TEAD1: variants seen among roughly 807,000 people sequenced by gnomAD.
The protein encoded by TEAD1 is transcriptional enhancer factor TEF-1.
TEAD1 carries 9 observed loss-of-function variants against 54.9 expected under a neutral mutation model. The observed-to-expected ratio is 0.16, with a 90% CI of 0.10 to 0.29. The LOEUF (loss-of-function observed/expected upper bound fraction) is 0.29. Among genes scored for constraint, TEAD1 ranks in the 10% least tolerant of loss-of-function variants. The probability of loss-of-function intolerance (pLI) is 1.00; values close to 1 mark genes in which losing one functional copy is unlikely to be tolerated. For synonymous variants in TEAD1, 200 were observed against 187.8 expected (o/e 1.07, Z -0.53); for missense variants, 387 against 535.9 (o/e 0.72, Z 2.74).
chr11:12,837,781 C>CTTCTTCCTTCTTCTTCCTTCT (rs1946934795), intron 3 of TEAD1, among the ~76,000 whole-genome samples: 1 of 145,192 alleles, frequency 6.9e-6, no homozygotes, highest in Non-Finnish European at 1.5e-5. Context: ...TTCTCTTCCT[C>CTTCTTCCTTCTTCTTCCTTCT]TTCTTCCTTC....
chr11:12,721,053 C>G (rs1944185139), intron 2 of TEAD1, among the ~76,000 whole-genome samples: 1 of 152,212 alleles, frequency 6.6e-6, no homozygotes, highest in Non-Finnish European at 1.5e-5. Context: ...TCATGTTTGA[C>G]TACCCTGTGT....
At chr11:12,730,686 A>G (rs993171579) in intron 2 of TEAD1, among the ~76,000 whole-genome samples, 53 of 140,496 alleles carry the variant, frequency 3.8e-4, no homozygotes, top group African/African-American at 1.2e-3. Flanking sequence ...GTGCTTTTCT[A>G]CATAGCTCTT....
At chr11:12,904,040 T>C (rs1417393063) in intron 10 of TEAD1, among the ~76,000 whole-genome samples, 1 of 152,204 alleles carries the variant, frequency 6.6e-6, no homozygotes, top group Non-Finnish European at 1.5e-5. Flanking sequence ...TTGATATCAT[T>C]TTAATGGGTT....
chr11:12,796,378 A>G (rs1018697641), intron 3 of TEAD1, among the ~76,000 whole-genome samples: 1 of 152,198 alleles, frequency 6.6e-6, no homozygotes, highest in Non-Finnish European at 1.5e-5. Flanking sequence ...CTATTGTGTT[A>G]CTTTTGGGGT....
In TEAD1 at chr11:12,729,398, A is replaced by G. The variant is rs575359411; in HGVS notation, c.-54-34781A>G. 8.5e-5 allele frequency among the ~76,000 whole-genome samples: 13 copies of G among 152,350 alleles called. No homozygotes were observed. The South Asian group carries it at 2.5e-3, about 29-fold the overall frequency. On this transcript the variant is annotated intron_variant, in intron 2 of 12. Transcript: ENST00000527636. ...GTGTCTAAGAATCTGCATTTCTAAGAAAGTCCCAGGCAATGCCATGCTGGT... is the reference window on the plus strand; with the variant it reads ...GTGTCTAAGAATCTGCATTTCTAAGGAAGTCCCAGGCAATGCCATGCTGGT...
At chr11:12,798,951 C>G (rs1471389199) in intron 3 of TEAD1, among the ~76,000 whole-genome samples, 2 of 152,032 alleles carry the variant, frequency 1.3e-5, no homozygotes, top group Non-Finnish European at 2.9e-5. Context: ...AAAGCAACAA[C>G]AAAACCCCCC....
At chr11:12,799,490 C>T (rs1946005079) in intron 3 of TEAD1, among the ~76,000 whole-genome samples, 1 of 152,230 alleles carries the variant, frequency 6.6e-6, no homozygotes, top group African/African-American at 2.4e-5. Context: ...CTGAAATTGG[C>T]AGAAGATGAG....
chr11:12,891,199 C>G (rs1227272576), intron 9 of TEAD1, among the ~76,000 whole-genome samples: 1 of 152,204 alleles, frequency 6.6e-6, no homozygotes, highest in Non-Finnish European at 1.5e-5. Context: ...AAGTAGGTAG[C>G]CACTGCTACT....
At chr11:12,920,372 TTC>T (rs1948782332) in intron 10 of TEAD1, among the ~76,000 whole-genome samples, 1 of 152,232 alleles carries the variant, frequency 6.6e-6, no homozygotes, top group Non-Finnish European at 1.5e-5. Context: ...AGATTATTTT[TTC>T]TGTTTTAAGG....
At chr11:12,696,044 A>C (rs960231889) in intron 2 of TEAD1, among the ~76,000 whole-genome samples, 1 of 152,250 alleles carries the variant, frequency 6.6e-6, no homozygotes, top group Non-Finnish European at 1.5e-5. Context: ...ACAAGCAAGC[A>C]AGCTACAAAG....
intron 2 of TEAD1, among the ~76,000 whole-genome samples, chr11:12,698,132 G>A (rs1164877010): frequency 6.6e-6 from 1 of 151,974 alleles, no homozygotes; most frequent in Non-Finnish European, 1.5e-5. Flanking sequence ...ATGTTCATAT[G>A]ATGCTTTAGA....
At chr11:12,883,504 A>G (rs964665879) in intron 9 of TEAD1, among the ~76,000 whole-genome samples, 1 of 152,180 alleles carries the variant, frequency 6.6e-6, no homozygotes, top group Non-Finnish European at 1.5e-5. Context: ...ATTCATCCTC[A>G]TAAAAACCCT....
At chr11:12,724,583 A>G (rs1048937386) in intron 2 of TEAD1, among the ~76,000 whole-genome samples, 1 of 152,246 alleles carries the variant, frequency 6.6e-6, no homozygotes, top group Non-Finnish European at 1.5e-5. Context: ...ATGCGCGTGC[A>G]CACGCAAGCC....
intron 3 of TEAD1, among the ~76,000 whole-genome samples, chr11:12,793,851 A>G (rs16911597): frequency 0.023 from 3,571 of 152,236 alleles, 148 homozygotes; most frequent in African/African-American, 0.082. Flanking sequence ...TCTCATTGTG[A>G]TCTGACTCCA....
chr11:12,882,016 C>G, intron 8 of TEAD1, 59 bp downstream of exon 8: 1 of 1,572,434 alleles, frequency 6.4e-7, no homozygotes, highest in Non-Finnish European at 8.8e-7. Flanking sequence ...ACAGCTGGGT[C>G]TGGCACTTTG....
intron 11 of TEAD1, 85 bp from the exon 12 acceptor site, chr11:12,930,087 CTA>C: frequency 6.5e-7 from 1 of 1,541,236 alleles, no homozygotes; most frequent in Non-Finnish European, 9.0e-7. Flanking sequence ...TGTTGAAAAA[CTA>C]AAATGCTTTT....
intron 2 of TEAD1, among the ~76,000 whole-genome samples, chr11:12,742,094 G>C (rs2133893770): frequency 6.6e-6 from 1 of 152,274 alleles, no homozygotes; most frequent in African/African-American, 2.4e-5. Flanking sequence ...TCTGTCTCCT[G>C]TCCCCTTTAC....
chr11:12,879,643 C>T lies in TEAD1; in HGVS notation c.331-65C>T, dbSNP rs1180917254. 3 of 1,607,072 alleles carry T rather than the reference C, an allele frequency of 1.9e-6. No homozygotes were observed. In the South Asian group the frequency reaches 3.3e-5, roughly 18 times the overall value. On this transcript the variant is annotated intron_variant, in intron 5 of 12. Coordinates refer to ENST00000527636, the MANE Select transcript of TEAD1 (RefSeq NM_021961.6). ...TTTAGTCCATGTGCTCGTGGCTGTG[C>T]CTGTGTAACCTGCCTGGTAGCCATG...
At chr11:12,847,365 G>T (rs1947176232) in intron 3 of TEAD1, among the ~76,000 whole-genome samples, 1 of 152,126 alleles carries the variant, frequency 6.6e-6, no homozygotes, top group East Asian at 1.9e-4. Context: ...GCTTGTGCTA[G>T]CAGTGTGCAC....
Sources: allele counts gnomAD v4.1 joint callset (sites outside exome capture counted in the v4.1 genomes callset), GRCh38; gene constraint gnomAD v4.1.1; transcripts MANE v1.5; gene names NCBI Gene and HGNC (gene_info 2026-07-23, HGNC 2026-07-21).